Variants in CTIF observed in about 807,000 individuals in gnomAD.
The protein encoded by CTIF is CBP80/20-dependent translation initiation factor.
Under a neutral mutation model 66.0 loss-of-function variants are expected in CTIF, and 21 were observed. That is an observed-to-expected ratio of 0.32 (90% CI 0.23 to 0.46). The LOEUF (loss-of-function observed/expected upper bound fraction) is 0.46. CTIF is among the 20% of genes least tolerant of loss of function. CTIF has a pLI of 1.00. For missense variants in CTIF, 739 were observed against 812.7 expected (o/e 0.91, Z 1.10); for synonymous variants, 345 against 326.4 (o/e 1.06, Z -0.62).
In CTIF at chr18:48,585,659, A is replaced by G. The variant is rs145706969; in HGVS notation, c.-28-33879A>G. Among the ~76,000 whole-genome samples, 469 of 152,326 alleles carry G rather than the reference A, an allele frequency of 3.1e-3. 9 individuals carry two copies. Among genetic ancestry groups the G allele is most frequent in the East Asian group, 0.022 (116 of 5,184 alleles). On this transcript the variant is annotated intron_variant, in intron 1 of 11. Transcript: ENST00000256413. The stretch of plus-strand genomic sequence containing the variant: ...ATTTTTAAGACATGAAGCTGTGGAC[A>G]GGGACACTTGGCATTTTCATCCCAT...
chr18:48,641,952 T>C (rs2090941010), intron 3 of CTIF, among the ~76,000 whole-genome samples: 1 of 152,258 alleles, frequency 6.6e-6, no homozygotes, highest in Non-Finnish European at 1.5e-5. Flanking sequence ...CAGAAAAAGA[T>C]GGAAGGAGTT....
At chr18:48,605,753 G>A (rs1038534433) in intron 1 of CTIF, among the ~76,000 whole-genome samples, 1 of 152,124 alleles carries the variant, frequency 6.6e-6, no homozygotes, top group Non-Finnish European at 1.5e-5. Context: ...GGCCCACCAT[G>A]GGCCTCTCGG....
At chr18:48,711,256 T>C (rs2092220216) in intron 6 of CTIF, among the ~76,000 whole-genome samples, 1 of 152,236 alleles carries the variant, frequency 6.6e-6, no homozygotes, top group South Asian at 2.1e-4. Flanking sequence ...GCACAGCCAG[T>C]GAGCTGCAGA....
intron 3 of CTIF, among the ~76,000 whole-genome samples, chr18:48,646,603 T>C (rs932160719): frequency 6.6e-6 from 1 of 151,856 alleles, no homozygotes; most frequent in African/African-American, 2.4e-5. Flanking sequence ...AAGCATTAGC[T>C]GGGCATAGTG....
intron 1 of CTIF, among the ~76,000 whole-genome samples, chr18:48,609,864 T>C (rs1258770010): frequency 6.6e-6 from 1 of 152,154 alleles, no homozygotes; most frequent in Admixed American, 6.5e-5. Context: ...GGGAAGAGGT[T>C]TGGAGTCCTG....
chr18:48,809,343 A>G (rs951520747), intron 9 of CTIF, among the ~76,000 whole-genome samples: 1 of 152,186 alleles, frequency 6.6e-6, no homozygotes. Context: ...TCTAAGGGTC[A>G]TAGGTGTTGC....
intron 1 of CTIF, among the ~76,000 whole-genome samples, chr18:48,545,779 C>G (rs565538439): frequency 6.6e-6 from 1 of 152,124 alleles, no homozygotes; most frequent in African/African-American, 2.4e-5. Flanking sequence ...GCCCTGGGAG[C>G]GGGGAAGCAT....
In CTIF at chr18:48,582,291, G is replaced by A. The variant is rs557436095; in HGVS notation, c.-28-37247G>A. 8.7e-4 allele frequency among the ~76,000 whole-genome samples: 132 copies of A among 152,194 alleles called. 6 individuals carry two copies. In the South Asian group the frequency reaches 0.027, roughly 31 times the overall value. On this transcript the variant is annotated intron_variant, in intron 1 of 11. Coordinates refer to ENST00000256413, the MANE Select transcript of CTIF (RefSeq NM_014772.3). ...GAGAAGCTGGCTTCCATGGGGCAGGGCAGGGAGGTCATGGACCACGCATGG... is the reference window on the plus strand; with the variant it reads ...GAGAAGCTGGCTTCCATGGGGCAGGACAGGGAGGTCATGGACCACGCATGG...
intron 9 of CTIF, among the ~76,000 whole-genome samples, chr18:48,780,688 C>T (rs944919489): frequency 1.3e-5 from 2 of 152,228 alleles, no homozygotes; most frequent in African/African-American, 4.8e-5. Context: ...GCTGTCTCAG[C>T]CACTCTCCCA....
intron 1 of CTIF, among the ~76,000 whole-genome samples, chr18:48,606,694 A>G (rs2090207989): frequency 2.0e-5 from 3 of 152,188 alleles, no homozygotes. Flanking sequence ...GGGCTGGCAC[A>G]TTGAGGGAGT....
chr18:48,836,920 A>G (rs2068824147), intron 10 of CTIF, among the ~76,000 whole-genome samples: 1 of 152,182 alleles, frequency 6.6e-6, no homozygotes, highest in Non-Finnish European at 1.5e-5. Context: ...CACCCTGGGA[A>G]ATTGTCAGCT....
At chr18:48,729,675 G>A (rs776433341) in intron 7 of CTIF, among the ~76,000 whole-genome samples, 6 of 152,202 alleles carry the variant, frequency 3.9e-5, no homozygotes, top group Non-Finnish European at 8.8e-5. Context: ...TGGTCCTGTG[G>A]TGGAAAACAC....
chr18:48,631,323 G>A (rs757299943), intron 2 of CTIF, among the ~76,000 whole-genome samples: 2 of 152,182 alleles, frequency 1.3e-5, no homozygotes, highest in African/African-American at 2.4e-5. Flanking sequence ...AAAATTAACC[G>A]GGTGTGGTGG....
intron 1 of CTIF, among the ~76,000 whole-genome samples, chr18:48,573,322 A>C (rs1309432487): frequency 2.6e-5 from 4 of 152,154 alleles, no homozygotes; most frequent in Non-Finnish European, 4.4e-5. Flanking sequence ...CCTGTGTTTC[A>C]TGACCTCCCC....
intron 7 of CTIF, among the ~76,000 whole-genome samples, chr18:48,717,200 G>A (rs2092289740): frequency 6.6e-6 from 1 of 152,110 alleles, no homozygotes; most frequent in African/African-American, 2.4e-5. Flanking sequence ...AGGGGTTTGA[G>A]ACTAGCCTGA....
chr18:48,646,823 A>G (rs2091041694), intron 3 of CTIF, among the ~76,000 whole-genome samples: 1 of 149,606 alleles, frequency 6.7e-6, no homozygotes, highest in Non-Finnish European at 1.5e-5. Context: ...GTGAGAATGC[A>G]GAGAAACTGG....
chr18:48,602,499 CTG>C (rs1424282391), intron 1 of CTIF, among the ~76,000 whole-genome samples: 1 of 152,188 alleles, frequency 6.6e-6, no homozygotes, highest in Admixed American at 6.5e-5. Flanking sequence ...CATATTTTCT[CTG>C]TGGTTCATAA....
At chr18:48,630,518 G>T (rs2090683959) in intron 2 of CTIF, among the ~76,000 whole-genome samples, 1 of 152,100 alleles carries the variant, frequency 6.6e-6, no homozygotes, top group Non-Finnish European at 1.5e-5. Context: ...TGTATTTATT[G>T]ATGAGTCTCT....
intron 1 of CTIF, among the ~76,000 whole-genome samples, chr18:48,590,000 G>A (rs931985692): frequency 6.6e-6 from 1 of 152,212 alleles, no homozygotes; most frequent in Non-Finnish European, 1.5e-5. Context: ...CTTTACAGGC[G>A]AGTGCCTCGT....
Sources: gnomAD v4.1 joint callset for allele counts (sites outside exome capture counted in the v4.1 genomes callset) on GRCh38, gnomAD v4.1.1 for gene constraint, MANE v1.5 for transcripts, NCBI Gene and HGNC (gene_info 2026-07-23, HGNC 2026-07-21) for gene names.